Variants in BCAS2 observed in about 807,000 individuals in gnomAD.
The protein encoded by BCAS2 is pre-mRNA-splicing factor SPF27.
BCAS2 carries 34 observed loss-of-function variants against 35.3 expected under a neutral mutation model. That is an observed-to-expected ratio of 0.96 (90% CI 0.73 to 1.28). The LOEUF is 1.28. Among genes scored for constraint, BCAS2 ranks in the 50% most tolerant of loss-of-function variants. The probability of loss-of-function intolerance (pLI) is 0.00; values close to 1 mark genes in which losing one functional copy is unlikely to be tolerated. For missense variants in BCAS2, 221 were observed against 268.1 expected (o/e 0.82, Z 1.23); for synonymous variants, 75 against 91.6 (o/e 0.82, Z 1.03).
intron 2 of BCAS2, 149 bp downstream of exon 2, chr1:114,581,150 C>CTATGA (rs1210564917): frequency 1.3e-6 from 1 of 772,906 alleles, no homozygotes; most frequent in Admixed American, 2.2e-5. Context: ...GAAGACTTAT[C>CTATGA]TATCTAGTTG....
chr1:114,569,658 G>A (rs891822484), intron 6 of BCAS2, among the ~76,000 whole-genome samples: 3 of 150,724 alleles, frequency 2.0e-5, no homozygotes, highest in Admixed American at 1.3e-4. Flanking sequence ...ATGTGCCACC[G>A]TGCCTATTTT....
chr1:114,577,436 G>C (rs1342551620), intron 2 of BCAS2, among the ~76,000 whole-genome samples: 1 of 152,058 alleles, frequency 6.6e-6, no homozygotes, highest in African/African-American at 2.4e-5. Context: ...GCAATGGCGC[G>C]ATCTTGGCTC....
chr1:114,572,937 AC>A (rs1193647176), intron 4 of BCAS2, among the ~76,000 whole-genome samples: 2 of 151,884 alleles, frequency 1.3e-5, no homozygotes, highest in Admixed American at 1.3e-4. Context: ...ACATGGTGAA[AC>A]CCCGTCTCCA....
At position 114,568,167 on chromosome 1, in the gene BCAS2, C is replaced by A; in HGVS notation, c.641G>T (p.Gly214Val). 1.2e-6 allele frequency: 2 copies of A among 1,613,370 alleles called. No individual in the cohort carries two copies. Among genetic ancestry groups the A allele is most frequent in the Non-Finnish European group, 1.7e-6 (2 of 1,179,974 alleles). ...NEIYQIKQQHGEANKENIRQD... is the reference protein window; with the variant it reads ...NEIYQIKQQHVEANKENIRQD... Reference sequence around the variant, plus strand: ...CCGGATGTTTTCTTTGTTTGCCTCTCCATGTTGCTGCTTAATTTGATAGAT... The same window carrying A: ...CCGGATGTTTTCTTTGTTTGCCTCTACATGTTGCTGCTTAATTTGATAGAT... The change falls in exon 7 of 7, where the codon GGA becomes GTA. Residue 214 changes from glycine (G) to valine (V), a missense_variant. Physicochemically the swap from Gly to Val is moderately radical, Grantham distance 109. Transcript: ENST00000369541.
At chr1:114,579,942 T>C (rs1399649515) in intron 2 of BCAS2, among the ~76,000 whole-genome samples, 1 of 152,004 alleles carries the variant, frequency 6.6e-6, no homozygotes, top group Non-Finnish European at 1.5e-5. Flanking sequence ...TTTTTTTTTT[T>C]TCCCTTTGAG....
chr1:114,581,268 T>C, intron 2 of BCAS2, 31 bp downstream of exon 2: 1 of 1,607,490 alleles, frequency 6.2e-7, no homozygotes, highest in Non-Finnish European at 8.5e-7. Flanking sequence ...ACAGGAATTC[T>C]CGTTCACACC....
At chr1:114,574,220 T>C (rs1308429933) in intron 4 of BCAS2, among the ~76,000 whole-genome samples, 7 of 152,224 alleles carry the variant, frequency 4.6e-5, no homozygotes. Flanking sequence ...CTTGTAGTGT[T>C]TTGCAGTCAT....
At chr1:114,569,922 A>T in intron 6 of BCAS2, 70 bp downstream of exon 6, 1 of 1,214,250 alleles carries the variant, frequency 8.2e-7, no homozygotes, top group Non-Finnish European at 1.2e-6. Flanking sequence ...ATGCTATTTG[A>T]ATCATATTAT....
At chr1:114,580,724 T>C (rs1262713192) in intron 2 of BCAS2, among the ~76,000 whole-genome samples, 2 of 152,202 alleles carry the variant, frequency 1.3e-5, no homozygotes, top group Non-Finnish European at 2.9e-5. Flanking sequence ...TCTCAGAATC[T>C]AGAATGGCAC....
Position 114,567,557 on chromosome 1 carries a change from T to C in BCAS2, c.*573A>G, listed in dbSNP as rs1654550953. 6.6e-6 allele frequency: 1 copy of C among 152,206 alleles called. No homozygotes were observed. The highest frequency in any genetic ancestry group is 6.5e-5 in the Admixed American group (1 of 15,278). 9.4% of individuals were successfully genotyped at this position (152,206 alleles called of 1,614,324 possible). A position where few individuals can be genotyped will look rare whatever the true frequency, so the allele number is the denominator to read the frequency against. ...GAAAAACAGTAACCGCCTCCTGAGG[T>C]TTTTGTGAGGACCAAATAATTTTTA... On this transcript the variant is annotated 3_prime_UTR_variant, in exon 7 of 7. Transcript: ENST00000369541.
At chr1:114,580,077 G>A (rs531983412) in intron 2 of BCAS2, among the ~76,000 whole-genome samples, 3 of 152,102 alleles carry the variant, frequency 2.0e-5, no homozygotes, top group East Asian at 1.9e-4. Context: ...GGGGCTACAG[G>A]TGCATGCCAT....
At chr1:114,575,857 G>T in intron 3 of BCAS2, 106 bp from the exon 4 acceptor site, 1 of 1,226,036 alleles carries the variant, frequency 8.2e-7, no homozygotes, top group Admixed American at 3.2e-5. Flanking sequence ...AAAAACTACA[G>T]AAGACTAAGG....
At chr1:114,572,436 T>G (rs1337726424) in intron 4 of BCAS2, among the ~76,000 whole-genome samples, 1 of 152,216 alleles carries the variant, frequency 6.6e-6, no homozygotes, top group Non-Finnish European at 1.5e-5. Flanking sequence ...CCCTTCCTCT[T>G]AAATATACTT....
intron 2 of BCAS2, among the ~76,000 whole-genome samples, chr1:114,579,730 G>C (rs1654843170): frequency 6.6e-6 from 1 of 152,010 alleles, no homozygotes; most frequent in Non-Finnish European, 1.5e-5. Context: ...CCCAGGCATG[G>C]TGGCAGGCAC....
At chr1:114,575,323 G>A (rs555584233) in intron 4 of BCAS2, among the ~76,000 whole-genome samples, 1 of 150,188 alleles carries the variant, frequency 6.7e-6, no homozygotes, top group African/African-American at 2.5e-5. Context: ...GAGTAGCTGG[G>A]ATTACAGGCA....
At chr1:114,581,261 G>A (rs370811747) in intron 2 of BCAS2, 38 bp downstream of exon 2, 63 of 1,600,172 alleles carry the variant, frequency 3.9e-5, no homozygotes, top group Non-Finnish European at 5.2e-5. Flanking sequence ...AAGGTTCACA[G>A]GAATTCTCGT....
At chr1:114,575,523 C>T in intron 4 of BCAS2, 67 bp downstream of exon 4, 2 of 1,471,732 alleles carry the variant, frequency 1.4e-6, no homozygotes, top group Non-Finnish European at 1.8e-6. Context: ...TGTACTAAAA[C>T]TTTGGGTGAG....
At chr1:114,573,407 T>G (rs1297357731) in intron 4 of BCAS2, among the ~76,000 whole-genome samples, 3 of 152,036 alleles carry the variant, frequency 2.0e-5, no homozygotes, top group Non-Finnish European at 2.9e-5. Context: ...TTTTTTATTG[T>G]TTTCTATAGA....
At chr1:114,573,058 T>C (rs1272387548) in intron 4 of BCAS2, among the ~76,000 whole-genome samples, 1 of 143,946 alleles carries the variant, frequency 6.9e-6, no homozygotes, top group African/African-American at 2.6e-5. Context: ...GAGCTGAGAT[T>C]GTGGCACTGC....
Sources: allele counts gnomAD v4.1 joint callset (sites outside exome capture counted in the v4.1 genomes callset), GRCh38; gene constraint gnomAD v4.1.1; transcripts MANE v1.5; gene names NCBI Gene and HGNC (gene_info 2026-07-23, HGNC 2026-07-21).